The following MAGI2 variants were observed in gnomAD, a reference collection of about 807,000 sequenced individuals.
MAGI2 encodes membrane-associated guanylate kinase, WW and PDZ domain-containing protein 2.
In MAGI2, 35 loss-of-function variants were observed where a neutral mutation model predicts 133.3. The ratio of observed to expected loss-of-function variants is 0.26; its 90% CI spans 0.20 to 0.35. MAGI2 has a LOEUF of 0.35. MAGI2 is among the 10% of genes least tolerant of loss of function. The pLI is 1.00. For synonymous variants in MAGI2, 729 were observed against 710.6 expected, an observed-to-expected ratio of 1.03 and a Z score of -0.41; for missense variants, 1,636 against 1,863.4, an observed-to-expected ratio of 0.88 and a Z score of 2.25.
intron 1 of MAGI2, among the ~76,000 whole-genome samples, chr7:79,337,471 G>C (rs1482245715): frequency 6.6e-6 from 1 of 152,160 alleles, no homozygotes; most frequent in Admixed American, 6.6e-5. Flanking sequence ...AAATTGCAAA[G>C]AGAAAGATCT....
At chr7:78,390,874 T>C (rs1795842610) in intron 6 of MAGI2, among the ~76,000 whole-genome samples, 1 of 152,158 alleles carries the variant, frequency 6.6e-6, no homozygotes, top group Non-Finnish European at 1.5e-5. Context: ...TTGCTTTACA[T>C]GAAACACCTG....
At chr7:78,456,613 G>T (rs1399638312) in intron 6 of MAGI2, among the ~76,000 whole-genome samples, 3 of 152,138 alleles carry the variant, frequency 2.0e-5, no homozygotes, top group Admixed American at 2.0e-4. Flanking sequence ...TAAAAGACTT[G>T]TGTAAATTTA....
At chr7:78,926,871 T>C (rs967329894) in intron 2 of MAGI2, among the ~76,000 whole-genome samples, 9 of 151,784 alleles carry the variant, frequency 5.9e-5, no homozygotes, top group Admixed American at 3.3e-4. Context: ...TGAGTACCAT[T>C]CTGACTGTAA....
chr7:78,078,662 C>T (rs1815616145), intron 21 of MAGI2: 3 of 544,744 alleles, frequency 5.5e-6, no homozygotes, highest in Non-Finnish European at 9.6e-6. Flanking sequence ...GCTAGATCTC[C>T]TCGCACACTC....
At chr7:78,774,939 C>A (rs1375840966) in intron 2 of MAGI2, among the ~76,000 whole-genome samples, 1 of 152,064 alleles carries the variant, frequency 6.6e-6, no homozygotes, top group East Asian at 1.9e-4. Context: ...AATACAAACA[C>A]CACTAAGTGA....
intron 1 of MAGI2, among the ~76,000 whole-genome samples, chr7:79,347,734 A>T (rs1332709062): frequency 6.6e-6 from 1 of 151,956 alleles, no homozygotes; most frequent in Non-Finnish European, 1.5e-5. Context: ...GGTAGACTTC[A>T]GCTGAAAAGT....
At chr7:79,017,790 A>C (rs893795329) in intron 1 of MAGI2, among the ~76,000 whole-genome samples, 1 of 152,216 alleles carries the variant, frequency 6.6e-6, no homozygotes, top group South Asian at 2.1e-4. Context: ...TAATGCAATC[A>C]CAAGTATTAA....
At chr7:78,616,461 T>G (rs553746750) in intron 3 of MAGI2, 2 of 151,956 alleles carry the variant, frequency 1.3e-5, no homozygotes, top group Non-Finnish European at 2.9e-5. Context: ...GAAGGAGTGA[T>G]TGAAGGTATA....
intron 2 of MAGI2, among the ~76,000 whole-genome samples, chr7:78,838,392 A>G (rs570315806): frequency 2.6e-5 from 4 of 152,146 alleles, no homozygotes; most frequent in Non-Finnish European, 4.4e-5. Flanking sequence ...TTGATCATAC[A>G]TATCACTGTT....
chr7:78,939,554 G>A (rs567829619), intron 2 of MAGI2, among the ~76,000 whole-genome samples: 1 of 152,222 alleles, frequency 6.6e-6, no homozygotes, highest in South Asian at 2.1e-4. Flanking sequence ...ATGTAACTCT[G>A]AGCCTCAGGC....
chr7:79,406,255 C>T (rs1244579000), intron 1 of MAGI2, among the ~76,000 whole-genome samples: 5 of 151,958 alleles, frequency 3.3e-5, no homozygotes, highest in Non-Finnish European at 7.4e-5. Context: ...GAGGATATTG[C>T]AGCCAAGATA....
intron 2 of MAGI2, among the ~76,000 whole-genome samples, chr7:78,716,681 T>C (rs1030770103): frequency 1.3e-5 from 2 of 152,160 alleles, no homozygotes; most frequent in Non-Finnish European, 2.9e-5. Context: ...CATGTGTGCT[T>C]AAGAAAGATC....
At chr7:78,777,328 A>G (rs190809820) in intron 2 of MAGI2, among the ~76,000 whole-genome samples, 1 of 152,344 alleles carries the variant, frequency 6.6e-6, no homozygotes, top group Admixed American at 6.5e-5. Context: ...GGTACCACAT[A>G]AATTACTCAT....
rs770241343 is a variant in MAGI2 at position 78,127,309 on chromosome 7, C to T, written c.3311G>A (p.Gly1104Glu). ...PPLDYRQPPG[G>E]DYQQPPPLDY... Reference sequence around the variant, plus strand: ...CAAGGGTGGGGGCTGCTGGTAGTCCCCTCCTGGGGGTTGCCTGTAATCCAG... The same window carrying T: ...CAAGGGTGGGGGCTGCTGGTAGTCCTCTCCTGGGGGTTGCCTGTAATCCAG... Residue 1104 changes from glycine to glutamate, a missense_variant, in exon 19 of 22, where the codon GGG becomes GAG. By Grantham distance (98) the Gly-to-Glu change is moderately conservative. Transcript: ENST00000354212. 24 of 1,611,570 alleles carry T rather than the reference C, an allele frequency of 1.5e-5. No individual in the cohort carries two copies. The highest frequency in any genetic ancestry group is 2.0e-5 in the Non-Finnish European group (23 of 1,179,344).
chr7:79,234,865 G>T (rs1377436681), intron 1 of MAGI2, among the ~76,000 whole-genome samples: 1 of 151,620 alleles, frequency 6.6e-6, no homozygotes, highest in East Asian at 1.9e-4. Flanking sequence ...AGGAGGAGAG[G>T]CGCTCTGCGT....
At chr7:78,725,444 T>C (rs543519433) in intron 2 of MAGI2, among the ~76,000 whole-genome samples, 1 of 152,332 alleles carries the variant, frequency 6.6e-6, no homozygotes, top group South Asian at 2.1e-4. Context: ...AAACACGCAC[T>C]ATGCAACTGT....
chr7:78,055,801 G>A (rs1240278054), intron 21 of MAGI2, among the ~76,000 whole-genome samples: 1 of 152,128 alleles, frequency 6.6e-6, no homozygotes, highest in Non-Finnish European at 1.5e-5. Context: ...GCTCCTTTAA[G>A]AAACTCAGCA....
chr7:79,045,044 T>C (rs1047515284), intron 1 of MAGI2, among the ~76,000 whole-genome samples: 1 of 152,156 alleles, frequency 6.6e-6, no homozygotes, highest in East Asian at 1.9e-4. Context: ...TATGTATCCA[T>C]AGAATAGTGG....
intron 6 of MAGI2, among the ~76,000 whole-genome samples, chr7:78,423,868 G>A (rs1799030218): frequency 6.6e-6 from 1 of 152,182 alleles, no homozygotes; most frequent in Non-Finnish European, 1.5e-5. Flanking sequence ...AGGTGACTTG[G>A]ATGCTGTTAA....
Sources: allele counts gnomAD v4.1 joint callset (sites outside exome capture counted in the v4.1 genomes callset), GRCh38; gene constraint gnomAD v4.1.1; transcripts MANE v1.5; gene names NCBI Gene and HGNC (gene_info 2026-07-23, HGNC 2026-07-21).